Variants in SSX2 observed in about 807,000 individuals in gnomAD.
The protein encoded by SSX2 is protein SSX2.
chrX:52,698,446 A>AT (rs1324098914), intron 6 of SSX2, among the ~76,000 whole-genome samples: 26 of 43,274 alleles, frequency 6.0e-4, no homozygotes, highest in Admixed American at 1.2e-3. Flanking sequence ...AGATGCTGCA[A>AT]TTTTTTTTTT....
intron 6 of SSX2, among the ~76,000 whole-genome samples, chrX:52,698,446 AT>A (rs1324098914): frequency 7.9e-3 from 339 of 43,139 alleles, no homozygotes; most frequent in Non-Finnish European, 0.011. Context: ...AGATGCTGCA[AT>A]TTTTTTTTTT....
chrX:52,698,317 AT>A (rs1926124546), intron 6 of SSX2, among the ~76,000 whole-genome samples: 1 of 79,281 alleles, frequency 1.3e-5, no homozygotes, highest in South Asian at 9.2e-4. Context: ...TCAGGCTTAG[AT>A]TCCCAACCTC....
At chrX:52,698,337 CG>C (rs1328178384) in intron 6 of SSX2, among the ~76,000 whole-genome samples, 2 of 79,570 alleles carry the variant, frequency 2.5e-5, no homozygotes, top group African/African-American at 9.4e-5. Context: ...TCTTCACTTA[CG>C]GGAACATTCC....
At chrX:52,698,192 G>A (rs1404016406) in intron 6 of SSX2, 104 bp from the exon 7 acceptor site, 1 of 612,431 alleles carries the variant, frequency 1.6e-6, no homozygotes, top group Non-Finnish European at 2.6e-6. Context: ...AAGTGCCCAT[G>A]GGCCTTCTTC....
At position 52,697,454 on chromosome X, in the gene SSX2, GC is replaced by G; in HGVS notation, c.*68del. 1 of 33,848 alleles carries G rather than the reference GC, an allele frequency of 3.0e-5. No individual in the cohort carries two copies. Among genetic ancestry groups the G allele is most frequent in the Non-Finnish European group, 4.8e-5 (1 of 20,947 alleles). 2.8% of individuals were successfully genotyped at this position (33,848 alleles called of 1,213,427 possible). A position where few individuals can be genotyped will look rare whatever the true frequency, so the allele number is the denominator to read the frequency against. On this transcript the variant is annotated 3_prime_UTR_variant, in exon 8 of 8. Coordinates refer to ENST00000337502, the MANE Select transcript of SSX2 (RefSeq NM_175698.4). ...CTGATGACGAGGGGTCCGCAGCCAT[GC>G]CCATGTTCGTGAAAGGTCACCACGT...
rs1926117229 is a variant in SSX2 at position 52,698,083 on chromosome X, T to G, written c.472A>C (p.Lys158Gln). Reference sequence around the variant, plus strand: ...TGGGTCCAGGCATGTTCCCCCCTTTTGGGTCCTGTGATGGAGAATAGTTGG... The same window carrying G: ...TGGGTCCAGGCATGTTCCCCCCTTTGGGGTCCTGTGATGGAGAATAGTTGG... ...SEKIHERSGP[K>Q]RGEHAWTHRL... The change falls in exon 7 of 8, where the codon AAA becomes CAA. Residue 158 changes from lysine to glutamine, a missense_variant. By Grantham distance (53) the Lys-to-Gln change is moderately conservative (BLOSUM62 1). Transcript: ENST00000337502. 1 of 1,209,704 alleles carries G rather than the reference T, an allele frequency of 8.3e-7. No individual in the cohort carries two copies. Among genetic ancestry groups the G allele is most frequent in the East Asian group, 2.9e-5 (1 of 33,906 alleles).
chrX:52,697,874 AAATTGTAAG>A (rs1926106945), intron 7 of SSX2, 101 bp downstream of exon 7: 4 of 825,069 alleles, frequency 4.8e-6, no homozygotes, highest in Non-Finnish European at 5.1e-6. Context: ...GTACAGTAGA[AAATTGTAAG>A]AAGGGAATGA....
In SSX2 at chrX:52,701,247, T is replaced by TC. The variant is rs1312850276; in HGVS notation, c.331-670_331-669insG. 7.0e-3 allele frequency among the ~76,000 whole-genome samples: 5 copies of TC among 713 alleles called. 1 individual carries two copies. The East Asian group carries it at 0.4, about 57-fold the overall frequency. 0.6% of individuals were successfully genotyped at this position (713 alleles called of 115,157 possible). A position where few individuals can be genotyped will look rare whatever the true frequency, so the allele number is the denominator to read the frequency against. Reference sequence around the variant, plus strand: ...TTTTTTTTTCTTTCTTTCTTTCTTTTTTTTTTTTTTTTTTTTTTTTTTTGA... The same window carrying TC: ...TTTTTTTTTCTTTCTTTCTTTCTTTTCTTTTTTTTTTTTTTTTTTTTTTTGA... On this transcript the variant is annotated intron_variant, in intron 5 of 7. Coordinates refer to ENST00000337502, the MANE Select transcript of SSX2 (RefSeq NM_175698.4).
At chrX:52,697,935 GAAT>G (rs1381196380) in intron 7 of SSX2, 46 bp downstream of exon 7, 1,282 of 1,139,141 alleles carry the variant, frequency 1.1e-3, no homozygotes, top group Non-Finnish European at 1.2e-3. Context: ...TATCATAACA[GAAT>G]AGCACGTCTG....
chrX:52,698,173 C>T lies in SSX2; in HGVS notation c.467-85G>A, dbSNP rs1278087114. The T allele has an allele frequency of 3.3e-6, 4 of 1,200,749 alleles. No homozygotes were observed. The African/African-American group carries it at 5.2e-5, about 16-fold the overall frequency. On this transcript the variant is annotated intron_variant, in intron 6 of 7. Coordinates refer to ENST00000337502, the MANE Select transcript of SSX2 (RefSeq NM_175698.4). The stretch of plus-strand genomic sequence containing the variant: ...TTTACTCAAAAAAAGGAGATGCCTG[C>T]TTCCTCCCAAGTGCCCATGGGCCTT...
chrX:52,698,741 G>GT, intron 6 of SSX2: 15 of 155 alleles, frequency 0.097, no homozygotes, highest in South Asian at 0.12. Context: ...TACACTTTTA[G>GT]TTTTTTTTTT....
chrX:52,697,838 ATC>A (rs1926106218), intron 7 of SSX2, 144 bp downstream of exon 7: 2 of 577,022 alleles, frequency 3.5e-6, no homozygotes, highest in Non-Finnish European at 5.2e-6. Context: ...AGCATGGGAA[ATC>A]TCTCATCGTT....
chrX:52,698,205 C>A (rs1926121994), intron 6 of SSX2, 117 bp from the exon 7 acceptor site: 1 of 540,252 alleles, frequency 1.9e-6, no homozygotes, highest in South Asian at 3.0e-5. Flanking sequence ...CCTTCTTCAT[C>A]CAGTTTTTCA....
chrX:52,698,235 G>GC, intron 6 of SSX2, 147 bp from the exon 7 acceptor site: 1 of 467,133 alleles, frequency 2.1e-6, no homozygotes, highest in South Asian at 3.3e-5. Context: ...GCTTAGAGAG[G>GC]CTGAGACCTT....
intron 5 of SSX2, among the ~76,000 whole-genome samples, chrX:52,701,254 T>TC (rs1926135372): frequency 9.0e-4 from 1 of 1,116 alleles, no homozygotes; most frequent in Non-Finnish European, 2.9e-3. Flanking sequence ...TTTTTTTTTT[T>TC]TTTTTTTTTT....
At chrX:52,698,134 AGT>A in intron 6 of SSX2, 46 bp from the exon 7 acceptor site, 1 of 1,210,091 alleles carries the variant, frequency 8.3e-7, no homozygotes, top group Non-Finnish European at 1.1e-6. Flanking sequence ...TAGGTTGGAG[AGT>A]GTTAGGCTCT....
Sources: gnomAD v4.1 joint callset for allele counts (sites outside exome capture counted in the v4.1 genomes callset) on GRCh38, gnomAD v4.1.1 for gene constraint, MANE v1.5 for transcripts, NCBI Gene and HGNC (gene_info 2026-07-23, HGNC 2026-07-21) for gene names.